Variants in NAV2 observed in about 807,000 individuals in gnomAD.
NAV2 encodes helicase, APC down-regulated 1.
A neutral mutation model predicts 223.2 loss-of-function variants in NAV2; 54 were observed. The observed-to-expected ratio is 0.24, with a 90% CI of 0.19 to 0.30. The LOEUF is 0.30. NAV2 is among the 10% of genes least tolerant of loss of function. NAV2 has a pLI of 1.00. For synonymous variants in NAV2, 1,279 were observed against 1,239.3 expected, an observed-to-expected ratio of 1.03 and a Z score of -0.67; for missense variants, 2,806 against 3,147.5, an observed-to-expected ratio of 0.89 and a Z score of 2.60.
intron 1 of NAV2, among the ~76,000 whole-genome samples, chr11:19,831,460 A>C (rs2059938902): frequency 6.6e-6 from 1 of 152,090 alleles, no homozygotes; most frequent in African/African-American, 2.4e-5. Flanking sequence ...CAGTTGAGGC[A>C]GGACATTCTC....
At chr11:19,818,335 T>A (rs1308653693) in intron 1 of NAV2, among the ~76,000 whole-genome samples, 1 of 147,044 alleles carries the variant, frequency 6.8e-6, no homozygotes. Flanking sequence ...TGATAGGTAG[T>A]ACTTGCCAAT....
intron 1 of NAV2, among the ~76,000 whole-genome samples, chr11:19,461,825 A>ATG (rs905057830): frequency 7.2e-5 from 11 of 152,172 alleles, no homozygotes; most frequent in Admixed American, 3.3e-4. Context: ...TTATGAACAG[A>ATG]TGTGTGTGTG....
At position 19,868,811 on chromosome 11, in the gene NAV2, C is replaced by T. The variant is rs1351075096; in HGVS notation, c.439-114C>T. ...GACAAAAGAGAGTGTCCTATCTTGG[C>T]GTTCGTTCATCGGCCGTTTTTACAG... is the stretch of plus-strand genomic sequence containing the variant. On this transcript the variant is annotated intron_variant, in intron 3 of 37. Coordinates refer to ENST00000349880, the MANE Select transcript of NAV2 (RefSeq NM_145117.5). 14 of 900,632 alleles carry T rather than the reference C, an allele frequency of 1.6e-5. No homozygotes were observed. In the Middle Eastern group the frequency reaches 1.6e-3, roughly 104 times the overall value. The allele number at this position is 900,632 out of a possible 1,614,324, so 55.8% of individuals were successfully genotyped here. A position where few individuals can be genotyped will look rare whatever the true frequency, so the allele number is the denominator to read the frequency against.
chr11:19,667,382 T>A (rs984572385), intron 1 of NAV2, among the ~76,000 whole-genome samples: 1 of 152,212 alleles, frequency 6.6e-6, no homozygotes, highest in Non-Finnish European at 1.5e-5. Context: ...AATGTGTATC[T>A]GACTATGGGC....
intron 1 of NAV2, among the ~76,000 whole-genome samples, chr11:19,473,004 T>C (rs1431895897): frequency 6.6e-6 from 1 of 152,140 alleles, no homozygotes; most frequent in East Asian, 1.9e-4. Context: ...AGAGGATCCA[T>C]GGGAACTTCC....
intron 4 of NAV2, among the ~76,000 whole-genome samples, chr11:19,871,785 G>A (rs1174525789): frequency 1.3e-5 from 2 of 152,134 alleles, no homozygotes; most frequent in African/African-American, 4.8e-5. Flanking sequence ...GATCAGCCGG[G>A]TCTCTGCTAA....
chr11:19,486,024 C>CCTTG (rs974780245), intron 1 of NAV2, among the ~76,000 whole-genome samples: 5 of 152,138 alleles, frequency 3.3e-5, no homozygotes, highest in Admixed American at 6.5e-5. Flanking sequence ...TTGGCACTGC[C>CCTTG]CTTGAGGTTT....
chr11:20,046,591 C>T (rs2057456954), intron 14 of NAV2, among the ~76,000 whole-genome samples: 1 of 115,610 alleles, frequency 8.6e-6, no homozygotes, highest in African/African-American at 3.3e-5. Context: ...ACTTCCCCCT[C>T]CCCATCACAC....
chr11:19,428,326 G>A (rs897663065), intron 1 of NAV2, among the ~76,000 whole-genome samples: 9 of 152,156 alleles, frequency 5.9e-5, no homozygotes, highest in African/African-American at 2.2e-4. Context: ...TAGCCTAGTG[G>A]CTTATCTCAG....
chr11:19,586,391 T>C (rs1262931540), intron 1 of NAV2, among the ~76,000 whole-genome samples: 2 of 152,234 alleles, frequency 1.3e-5, no homozygotes, highest in Non-Finnish European at 2.9e-5. Context: ...TCAAAGTCAT[T>C]CTCCGTCCAG....
chr11:19,794,638 A>T (rs1417632162), intron 1 of NAV2, among the ~76,000 whole-genome samples: 1 of 152,078 alleles, frequency 6.6e-6, no homozygotes, highest in East Asian at 1.9e-4. Context: ...GTTAGCAGGG[A>T]GTTACTTCCT....
At chr11:20,070,955 TA>T (rs1235636610) in intron 22 of NAV2, among the ~76,000 whole-genome samples, 2 of 152,104 alleles carry the variant, frequency 1.3e-5, no homozygotes, top group East Asian at 1.9e-4. Context: ...TCAGGTTTTT[TA>T]AATTTTTTTT....
chr11:20,050,366 A>G (rs2057861462), intron 16 of NAV2, among the ~76,000 whole-genome samples: 1 of 152,042 alleles, frequency 6.6e-6, no homozygotes, highest in African/African-American at 2.4e-5. Context: ...AGTTTGGCTC[A>G]TTATGTCTTG....
chr11:19,622,578 C>T (rs1220131140), intron 1 of NAV2, among the ~76,000 whole-genome samples: 1 of 152,112 alleles, frequency 6.6e-6, no homozygotes, highest in Non-Finnish European at 1.5e-5. Context: ...AGGATTGCAA[C>T]CCCTGCTTTT....
intron 1 of NAV2, among the ~76,000 whole-genome samples, chr11:19,753,722 G>T (rs1318423290): frequency 2.0e-5 from 3 of 152,252 alleles, no homozygotes; most frequent in Non-Finnish European, 4.4e-5. Context: ...AACAGGTGGG[G>T]GTGGACCCAG....
chr11:19,721,543 A>T (rs1390171818), intron 1 of NAV2, among the ~76,000 whole-genome samples: 1 of 152,240 alleles, frequency 6.6e-6, no homozygotes, highest in African/African-American at 2.4e-5. Flanking sequence ...CAGGCCAGGG[A>T]TCTTCAAAAA....
chr11:19,863,581 A>G (rs561794075), intron 3 of NAV2, among the ~76,000 whole-genome samples: 2 of 152,240 alleles, frequency 1.3e-5, no homozygotes, highest in African/African-American at 4.8e-5. Context: ...AAAGCAGACA[A>G]AAAACCCTAT....
At chr11:19,439,990 T>C (rs1851342910) in intron 1 of NAV2, among the ~76,000 whole-genome samples, 1 of 152,248 alleles carries the variant, frequency 6.6e-6, no homozygotes, top group Admixed American at 6.5e-5. Flanking sequence ...CTTACCCTTT[T>C]GACCAGACCT....
chr11:19,798,908 T>G (rs1275930508), intron 1 of NAV2, among the ~76,000 whole-genome samples: 2 of 152,138 alleles, frequency 1.3e-5, no homozygotes, highest in South Asian at 2.1e-4. Context: ...AATTTACATA[T>G]CTGAAATATC....
Sources: gnomAD v4.1 joint callset for allele counts (sites outside exome capture counted in the v4.1 genomes callset) on GRCh38, gnomAD v4.1.1 for gene constraint, MANE v1.5 for transcripts, NCBI Gene and HGNC (gene_info 2026-07-23, HGNC 2026-07-21) for gene names.